WWOX: variants seen among roughly 807,000 people sequenced by gnomAD.
WWOX encodes WW domain-containing oxidoreductase.
WWOX carries 69 observed loss-of-function variants against 46.2 expected under a neutral mutation model. That is an observed-to-expected ratio of 1.49 (90% confidence interval 1.23 to 1.82). The LOEUF is 1.82. Among genes scored for constraint, WWOX ranks in the 40% most tolerant of loss-of-function variants. WWOX has a pLI of 0.00. For missense variants in WWOX, 919 were observed against 542.6 expected, an observed-to-expected ratio of 1.69 and a Z score of -6.89; for synonymous variants, 359 against 202.6, an observed-to-expected ratio of 1.77 and a Z score of -6.56.
At chr16:78,834,505 G>C (rs772620940) in intron 8 of WWOX, among the ~76,000 whole-genome samples, 22 of 152,286 alleles carry the variant, frequency 1.4e-4, no homozygotes, top group Non-Finnish European at 2.2e-4. Context: ...AGTGAGAAAA[G>C]TGTATCCTCA....
intron 8 of WWOX, among the ~76,000 whole-genome samples, chr16:78,717,808 G>A (rs141065537): frequency 6.6e-6 from 1 of 152,254 alleles, no homozygotes; most frequent in East Asian, 1.9e-4. Context: ...ATGCCCTGTG[G>A]TTTTTCTCCT....
intron 8 of WWOX, among the ~76,000 whole-genome samples, chr16:78,571,928 A>G (rs2044725117): frequency 6.6e-6 from 1 of 152,214 alleles, no homozygotes; most frequent in Admixed American, 6.5e-5. Context: ...AGATTGGCAA[A>G]ACGTTAAGTA....
chr16:78,672,697 A>G (rs2047495978), intron 8 of WWOX, among the ~76,000 whole-genome samples: 1 of 152,196 alleles, frequency 6.6e-6, no homozygotes, highest in African/African-American at 2.4e-5. Flanking sequence ...TAAAAACGGG[A>G]ATGACCAAAA....
intron 8 of WWOX, among the ~76,000 whole-genome samples, chr16:78,509,027 G>T (rs1003332342): frequency 6.6e-6 from 1 of 152,282 alleles, no homozygotes; most frequent in African/African-American, 2.4e-5. Flanking sequence ...TTGTAGACAC[G>T]TATGTGTGTG....
chr16:79,042,400 C>G (rs959865156), intron 8 of WWOX, among the ~76,000 whole-genome samples: 3 of 152,174 alleles, frequency 2.0e-5, no homozygotes, highest in Non-Finnish European at 4.4e-5. Flanking sequence ...CAATGTATAT[C>G]ATTTTGCCAA....
chr16:78,640,923 C>T (rs1429815783), intron 8 of WWOX, among the ~76,000 whole-genome samples: 4 of 128,662 alleles, frequency 3.1e-5, no homozygotes, highest in African/African-American at 1.2e-4. Flanking sequence ...TGGGTGACAG[C>T]GCGAGATTCT....
intron 8 of WWOX, among the ~76,000 whole-genome samples, chr16:79,012,120 G>C (rs745901567): frequency 2.0e-5 from 3 of 152,160 alleles, no homozygotes; most frequent in African/African-American, 4.8e-5. Flanking sequence ...CTCGGCCCGC[G>C]CTGTCCAATA....
intron 5 of WWOX, among the ~76,000 whole-genome samples, chr16:78,254,570 A>G (rs2038077374): frequency 1.5e-5 from 2 of 135,940 alleles, no homozygotes; most frequent in Admixed American, 7.8e-5. Flanking sequence ...CAATGGAGCA[A>G]TCTCAGCTCA....
chr16:78,183,009 G>A (rs2035581966), intron 5 of WWOX, among the ~76,000 whole-genome samples: 1 of 151,484 alleles, frequency 6.6e-6, no homozygotes. Flanking sequence ...AAGAACTCAT[G>A]GTCCAAGTTT....
At chr16:79,153,049 G>A (rs761707490) in intron 8 of WWOX, among the ~76,000 whole-genome samples, 8 of 152,184 alleles carry the variant, frequency 5.3e-5, no homozygotes, top group South Asian at 4.1e-4. Context: ...CCTGCAGAGC[G>A]AGCGGAGGCC....
intron 8 of WWOX, among the ~76,000 whole-genome samples, chr16:79,144,361 T>G (rs79531891): frequency 0.012 from 1,898 of 152,344 alleles, 44 homozygotes; most frequent in African/African-American, 0.043. Context: ...GCCAGCTTTT[T>G]GGGGGACCCA....
intron 8 of WWOX, among the ~76,000 whole-genome samples, chr16:78,652,302 G>T (rs942942168): frequency 1.3e-5 from 2 of 151,516 alleles, no homozygotes; most frequent in South Asian, 4.2e-4. Flanking sequence ...CCAGCTACTC[G>T]GGAGCCTGAG....
chr16:78,509,055 G>A (rs575068385), intron 8 of WWOX, among the ~76,000 whole-genome samples: 2 of 152,390 alleles, frequency 1.3e-5, no homozygotes, highest in South Asian at 4.1e-4. Context: ...ACACCTGCCT[G>A]CCCTTGCACA....
chr16:78,926,592 G>C (rs2045503935), intron 8 of WWOX, among the ~76,000 whole-genome samples: 1 of 152,172 alleles, frequency 6.6e-6, no homozygotes, highest in Non-Finnish European at 1.5e-5. Flanking sequence ...CTGTTGGTCT[G>C]TGATGCGGGA....
At chr16:79,107,719 C>T (rs1408434566) in intron 8 of WWOX, among the ~76,000 whole-genome samples, 1 of 152,152 alleles carries the variant, frequency 6.6e-6, no homozygotes, top group Non-Finnish European at 1.5e-5. Flanking sequence ...TCACATCCTT[C>T]CCCCAGAAAT....
intron 8 of WWOX, among the ~76,000 whole-genome samples, chr16:78,905,245 GA>G (rs1471260281): frequency 1.3e-5 from 2 of 152,174 alleles, no homozygotes; most frequent in African/African-American, 4.8e-5. Context: ...AGGCGGAGAA[GA>G]AAATTGCGTG....
intron 5 of WWOX, among the ~76,000 whole-genome samples, chr16:78,210,635 C>A (rs922369569): frequency 6.6e-6 from 1 of 152,166 alleles, no homozygotes; most frequent in African/African-American, 2.4e-5. Flanking sequence ...CCTAAGGAGC[C>A]ACTTTGGGGC....
chr16:78,924,183 G>T (rs1000285750), intron 8 of WWOX, among the ~76,000 whole-genome samples: 1 of 152,152 alleles, frequency 6.6e-6, no homozygotes, highest in Non-Finnish European at 1.5e-5. Flanking sequence ...GGGTAGACCG[G>T]GGAAGGTAGC....
At chr16:78,560,414 G>A (rs2044407819) in intron 8 of WWOX, among the ~76,000 whole-genome samples, 1 of 152,148 alleles carries the variant, frequency 6.6e-6, no homozygotes, top group South Asian at 2.1e-4. Flanking sequence ...AGGCCGAGGT[G>A]GGTGGATCAC....
Sources: gnomAD v4.1 joint callset for allele counts (sites outside exome capture counted in the v4.1 genomes callset) on GRCh38, gnomAD v4.1.1 for gene constraint, MANE v1.5 for transcripts, NCBI Gene and HGNC (gene_info 2026-07-23, HGNC 2026-07-21) for gene names.